Variants in CSMD1 observed in about 807,000 individuals in gnomAD.
The protein encoded by CSMD1 is CUB and Sushi multiple domains 1, also known as CUB and sushi domain-containing protein 1.
CSMD1 carries 213 observed loss-of-function variants against 417.5 expected under a neutral mutation model. The observed-to-expected ratio is 0.51, with a 90% CI of 0.46 to 0.57. CSMD1 has a LOEUF of 0.57. Ranked by LOEUF, CSMD1 falls within the 20% of genes least tolerant of loss-of-function variation. The pLI is 0.00. For synonymous variants in CSMD1, 2,862 were observed against 1,736.8 expected (o/e 1.65, Z -16.11); for missense variants, 6,923 against 4,529.7 (o/e 1.53, Z -15.17).
chr8:4,959,689 C>G (rs769913722), intron 1 of CSMD1, among the ~76,000 whole-genome samples: 2 of 152,206 alleles, frequency 1.3e-5, no homozygotes, highest in African/African-American at 2.4e-5. Flanking sequence ...TGATCAAAAC[C>G]CTCCAATAGT....
intron 3 of CSMD1, among the ~76,000 whole-genome samples, chr8:4,210,031 G>C (rs1041171026): frequency 6.6e-6 from 1 of 152,202 alleles, no homozygotes; most frequent in Admixed American, 6.5e-5. Flanking sequence ...TTCTCTATTT[G>C]GTCCAGTGTC....
At chr8:4,292,215 C>G (rs558894154) in intron 3 of CSMD1, among the ~76,000 whole-genome samples, 1 of 152,202 alleles carries the variant, frequency 6.6e-6, no homozygotes, top group East Asian at 1.9e-4. Flanking sequence ...GCTGCTTTTT[C>G]TTACTTTCCA....
At chr8:4,561,336 T>C (rs370224862) in intron 2 of CSMD1, among the ~76,000 whole-genome samples, 10 of 152,266 alleles carry the variant, frequency 6.6e-5, no homozygotes, top group Admixed American at 3.9e-4. Context: ...ATCATGCCAC[T>C]GCACTCCAGC....
intron 52 of CSMD1, among the ~76,000 whole-genome samples, chr8:3,011,078 G>C (rs1191055831): frequency 6.6e-6 from 1 of 152,112 alleles, no homozygotes; most frequent in Non-Finnish European, 1.5e-5. Flanking sequence ...TTACTCCTTA[G>C]AGTATAGATT....
intron 3 of CSMD1, among the ~76,000 whole-genome samples, chr8:4,033,497 G>A (rs1367652435): frequency 6.6e-6 from 1 of 152,142 alleles, no homozygotes; most frequent in East Asian, 1.9e-4. Context: ...TGACCTGGAA[G>A]CTCCCACTTC....
intron 37 of CSMD1, among the ~76,000 whole-genome samples, chr8:3,176,670 G>A (rs1444599400): frequency 2.0e-5 from 3 of 152,234 alleles, no homozygotes; most frequent in Non-Finnish European, 4.4e-5. Flanking sequence ...CTTTAACAAC[G>A]TAAAAATACT....
chr8:3,048,740 C>G (rs530585525), intron 50 of CSMD1, among the ~76,000 whole-genome samples: 1 of 152,026 alleles, frequency 6.6e-6, no homozygotes, highest in East Asian at 1.9e-4. Context: ...TGTTGAACTT[C>G]ATTAAAATTA....
chr8:4,803,987 C>G (rs1175976364), intron 1 of CSMD1, among the ~76,000 whole-genome samples: 1 of 152,182 alleles, frequency 6.6e-6, no homozygotes, highest in African/African-American at 2.4e-5. Context: ...TCAAAGACGG[C>G]AGGAGCCACA....
At chr8:3,822,584 G>A (rs1585048151) in intron 5 of CSMD1, among the ~76,000 whole-genome samples, 1 of 152,084 alleles carries the variant, frequency 6.6e-6, no homozygotes, top group Non-Finnish European at 1.5e-5. Flanking sequence ...TGGGTTTATT[G>A]GTAACTTTTT....
In CSMD1 at chr8:4,949,479, T is replaced by C. The variant is rs929580870; in HGVS notation, c.85+44853A>G. Among the ~76,000 whole-genome samples the C allele has an allele frequency of 2.6e-5, 4 of 152,210 alleles. No individual in the cohort carries two copies. In the East Asian group the frequency reaches 7.7e-4, roughly 29 times the overall value. On this transcript the variant is annotated intron_variant, in intron 1 of 69. Transcript: ENST00000635120. Reference sequence around the variant, plus strand: ...TATTCAACCACTGCCTCATCTAATTTAGTAGTTCTCAACCAGGGGCAATTC... The same window carrying C: ...TATTCAACCACTGCCTCATCTAATTCAGTAGTTCTCAACCAGGGGCAATTC...
At chr8:4,480,057 G>A (rs1252833350) in intron 2 of CSMD1, among the ~76,000 whole-genome samples, 1 of 151,818 alleles carries the variant, frequency 6.6e-6, no homozygotes, top group Non-Finnish European at 1.5e-5. Flanking sequence ...GAATGTGGTC[G>A]TGAGTTCTGT....
In CSMD1 at chr8:3,262,590, C is replaced by T. The variant is rs371826548; in HGVS notation, c.4153+21554G>A. ...AAAGGACAAAGATTCCCTGTTAAAA[C>T]CTCTGAAAATGTGAAAGATTATAGT... On this transcript the variant is annotated intron_variant, in intron 26 of 69. Transcript: ENST00000635120. Among the ~76,000 whole-genome samples the T allele has an allele frequency of 5.6e-4, 85 of 150,808 alleles. No homozygotes were observed. In the Middle Eastern group the frequency reaches 0.014, roughly 25 times the overall value.
chr8:3,045,426 G>A (rs984675554), intron 50 of CSMD1, among the ~76,000 whole-genome samples: 1 of 152,108 alleles, frequency 6.6e-6, no homozygotes, highest in African/African-American at 2.4e-5. Flanking sequence ...GCTACCTTAA[G>A]CCCTGTCATA....
chr8:3,980,514 T>C (rs190899008), intron 5 of CSMD1, among the ~76,000 whole-genome samples: 2 of 150,310 alleles, frequency 1.3e-5, no homozygotes, highest in Non-Finnish European at 3.0e-5. Context: ...TGCTTCTATG[T>C]TGTTTATGCC....
chr8:3,223,293 C>G (rs78407443), intron 28 of CSMD1, among the ~76,000 whole-genome samples: 1 of 152,120 alleles, frequency 6.6e-6, no homozygotes, highest in South Asian at 2.1e-4. Flanking sequence ...ATTTTCCAGG[C>G]TCTATTAAGT....
At chr8:4,633,122 C>A (rs936290266) in intron 2 of CSMD1, among the ~76,000 whole-genome samples, 1 of 152,200 alleles carries the variant, frequency 6.6e-6, no homozygotes, top group East Asian at 1.9e-4. Context: ...AGGAAAGGAT[C>A]GTGCATTGGT....
chr8:3,814,301 T>TTTC (rs1801252303), intron 5 of CSMD1, among the ~76,000 whole-genome samples: 1 of 152,198 alleles, frequency 6.6e-6, no homozygotes, highest in African/African-American at 2.4e-5. Context: ...TCATTTGTTC[T>TTTC]TTCTACTCAG....
intron 2 of CSMD1, among the ~76,000 whole-genome samples, chr8:4,466,901 T>C (rs779409377): frequency 6.6e-5 from 10 of 151,682 alleles, no homozygotes; most frequent in African/African-American, 2.4e-4. Flanking sequence ...TATATTGAAA[T>C]TTTACAGTGT....
At chr8:4,093,788 C>A (rs547696089) in intron 3 of CSMD1, among the ~76,000 whole-genome samples, 4 of 151,982 alleles carry the variant, frequency 2.6e-5, no homozygotes, top group African/African-American at 9.7e-5. Context: ...TGGTGAAATC[C>A]CATATCTACT....
Sources: allele counts gnomAD v4.1 joint callset (sites outside exome capture counted in the v4.1 genomes callset), GRCh38; gene constraint gnomAD v4.1.1; transcripts MANE v1.5; gene names NCBI Gene and HGNC (gene_info 2026-07-23, HGNC 2026-07-21).